SORL1-AS1: variants seen among roughly 807,000 people sequenced by gnomAD.
The protein encoded by SORL1-AS1 is SORL1 antisense RNA 1, also known as lncRNA 51 A.
chr11:121,444,954 C>T (rs1329753457), downstream of SORL1-AS1, among the ~76,000 whole-genome samples: 1 of 152,180 alleles, frequency 6.6e-6, no homozygotes, highest in Non-Finnish European at 1.5e-5. Flanking sequence ...ATTTTTCACT[C>T]ACCTCTTTGC....
At chr11:121,449,299 G>A (rs910936477) in exon 2 of SORL1-AS1, 3 of 152,194 alleles carry the variant, frequency 2.0e-5, no homozygotes, top group Non-Finnish European at 4.4e-5. Context: ...ATATGGTACT[G>A]TCTTCCATCC....
the SORL1-AS1 span, among the ~76,000 whole-genome samples, chr11:121,442,062 G>A: frequency 6.6e-6 from 1 of 152,172 alleles, no homozygotes; most frequent in Non-Finnish European, 1.5e-5. Flanking sequence ...GAGCATGTAA[G>A]CTTTAGTTAA....
Position 121,452,196 on chromosome 11 carries a change from G to C in SORL1-AS1, n.339+479C>G, listed in dbSNP as rs1198094709. On this transcript the variant is annotated intron_variant and non_coding_transcript_variant, in intron 1 of 1. Transcript: ENST00000501964. The surrounding 1 kb of genome is among the most constrained non-coding windows in gnomAD (Gnocchi z 5.3). ...TGGCGGCAGCGGCGGCGGGCGCAGC[G>C]GGGCGGCCCGGAGCGGCGCGGGCGG... is the stretch of plus-strand genomic sequence containing the variant. 1 of 382,576 alleles carries C rather than the reference G, an allele frequency of 2.6e-6. No individual in the cohort carries two copies. The highest frequency in any genetic ancestry group is 3.6e-6 in the Non-Finnish European group (1 of 277,216). The allele number at this position is 382,576 out of a possible 1,614,324, so 23.7% of individuals were successfully genotyped here.
chr11:121,446,633 C>A (rs935864634), downstream of SORL1-AS1, among the ~76,000 whole-genome samples: 1 of 152,062 alleles, frequency 6.6e-6, no homozygotes, highest in African/African-American at 2.4e-5. Flanking sequence ...TGCCTATAAT[C>A]CCAGCTACTC....
the SORL1-AS1 span, among the ~76,000 whole-genome samples, chr11:121,441,852 AT>A: frequency 1.3e-5 from 2 of 152,156 alleles, no homozygotes; most frequent in African/African-American, 4.8e-5. Context: ...GTAAGCCACC[AT>A]TATTTTGGGT....
At chr11:121,438,417 A>G in the SORL1-AS1 span, among the ~76,000 whole-genome samples, 1 of 152,022 alleles carries the variant, frequency 6.6e-6, no homozygotes, top group Non-Finnish European at 1.5e-5. Context: ...CACCCAAAAA[A>G]TTTTCCCATG....
chr11:121,448,518 T>C (rs1260847444), exon 2 of SORL1-AS1: 1 of 152,192 alleles, frequency 6.6e-6, no homozygotes, highest in African/African-American at 2.4e-5. Flanking sequence ...TTAATGACTC[T>C]GGTCTGGTTG....
chr11:121,441,194 C>G, the SORL1-AS1 span, among the ~76,000 whole-genome samples: 1 of 152,024 alleles, frequency 6.6e-6, no homozygotes, highest in Non-Finnish European at 1.5e-5. Context: ...GGAAAAGAAC[C>G]CTTGATTTGT....
At chr11:121,439,395 A>ATCTTCTGCTTGTTT in the SORL1-AS1 span, among the ~76,000 whole-genome samples, 1 of 151,468 alleles carries the variant, frequency 6.6e-6, no homozygotes, top group Non-Finnish European at 1.5e-5. Flanking sequence ...GTGTTTATCG[A>ATCTTCTGCTTGTTT]AGTCTTCTGC....
chr11:121,444,776 G>A (rs1236974718), downstream of SORL1-AS1, among the ~76,000 whole-genome samples: 1 of 152,208 alleles, frequency 6.6e-6, no homozygotes, highest in African/African-American at 2.4e-5. Flanking sequence ...GTATTCCATG[G>A]CGTCATTATC....
the SORL1-AS1 span, among the ~76,000 whole-genome samples, chr11:121,438,642 T>C: frequency 4.6e-5 from 7 of 152,292 alleles, 1 homozygote; most frequent in South Asian, 1.4e-3. Flanking sequence ...TCCTTTTTAT[T>C]GTGGGGCAAT....
the SORL1-AS1 span, among the ~76,000 whole-genome samples, chr11:121,440,858 G>A: frequency 5.3e-5 from 8 of 152,228 alleles, no homozygotes; most frequent in African/African-American, 1.7e-4. Flanking sequence ...TGGGTCTTTG[G>A]GTCTTGATTT....
At chr11:121,440,794 T>A in the SORL1-AS1 span, among the ~76,000 whole-genome samples, 1 of 152,246 alleles carries the variant, frequency 6.6e-6, no homozygotes, top group Non-Finnish European at 1.5e-5. Context: ...GTCGCATTTC[T>A]ACGTAGCTGT....
At chr11:121,443,624 T>C (rs534650187), downstream of SORL1-AS1, among the ~76,000 whole-genome samples, 75 of 152,366 alleles carry the variant, frequency 4.9e-4, no homozygotes, top group African/African-American at 1.5e-3. Context: ...TGAAGGGACT[T>C]CATCAGAAAT....
chr11:121,443,898 T>C (rs898130768), downstream of SORL1-AS1, among the ~76,000 whole-genome samples: 6 of 152,202 alleles, frequency 3.9e-5, no homozygotes, highest in African/African-American at 1.2e-4. Context: ...TCTGGTCTTT[T>C]GTCTCTCCAC....
exon 2 of SORL1-AS1, chr11:121,448,010 C>T (rs966501485): frequency 7.2e-5 from 11 of 152,222 alleles, no homozygotes; most frequent in Admixed American, 3.3e-4. Context: ...TTATCCCTTA[C>T]TAACAGTAAG....
rs920569263 is a variant in SORL1-AS1, at chr11:121,452,838, C to T, written n.176G>A. On this transcript the variant is annotated non_coding_transcript_exon_variant, in exon 1 of 2. Coordinates refer to ENST00000501964, the Ensembl canonical transcript of SORL1-AS1. The surrounding 1 kb of genome is among the most constrained non-coding windows in gnomAD (Gnocchi z 5.3). ...AGTAAACGTATTCCAGGTAACTCGCCGGGTGCAGTGCGTATTACCCCAGGG... is the reference window on the plus strand; with the variant it reads ...AGTAAACGTATTCCAGGTAACTCGCTGGGTGCAGTGCGTATTACCCCAGGG... The T allele has an allele frequency of 6.3e-6, 3 of 473,780 alleles. No homozygotes were observed. The highest frequency in any genetic ancestry group is 7.8e-5 in the South Asian group (2 of 25,502). The allele number at this position is 473,780 out of a possible 1,614,324, so 29.3% of individuals were successfully genotyped here.
At position 121,450,044 on chromosome 11, in the gene SORL1-AS1, C is replaced by G. The variant is rs561595111; in HGVS notation, n.340-145G>C. On this transcript the variant is annotated intron_variant and non_coding_transcript_variant, in intron 1 of 1. Coordinates refer to ENST00000501964, the Ensembl canonical transcript of SORL1-AS1. This position sits in a 1 kb window ranked among gnomAD's most constrained non-coding sequence, Gnocchi z 5.2. Reference sequence around the variant, plus strand: ...TGAGCAAGTAGCTGGCCCTGCCCTACTAGTCCTTCTGTGCAAGGGGCCATC... The same window carrying G: ...TGAGCAAGTAGCTGGCCCTGCCCTAGTAGTCCTTCTGTGCAAGGGGCCATC... 2.0e-5 allele frequency: 3 copies of G among 152,368 alleles called. No homozygotes were observed. The highest frequency in any genetic ancestry group is 3.9e-4 in the East Asian group (2 of 5,192). The allele number at this position is 152,368 out of a possible 1,614,324, so 9.4% of individuals were successfully genotyped here. A position where few individuals can be genotyped will look rare whatever the true frequency, so the allele number is the denominator to read the frequency against.
chr11:121,444,469 G>A (rs74489467), downstream of SORL1-AS1, among the ~76,000 whole-genome samples: 1 of 152,190 alleles, frequency 6.6e-6, no homozygotes, highest in Non-Finnish European at 1.5e-5. Flanking sequence ...GATCCAGCGG[G>A]TCTCTGGCAG....
Sources: gnomAD v4.1 joint callset for allele counts (sites outside exome capture counted in the v4.1 genomes callset) on GRCh38, gnomAD v4.1.1 for gene constraint, Gnocchi (gnomAD v3.1) non-coding constraint, MANE v1.5 for transcripts, NCBI Gene and HGNC (gene_info 2026-07-23, HGNC 2026-07-21) for gene names.